The following DIP2A variants were observed in gnomAD, a reference collection of about 807,000 sequenced individuals.
DIP2A encodes disco-interacting protein 2 homolog A.
Under a neutral mutation model 177.4 loss-of-function variants are expected in DIP2A, and 85 were observed. The observed-to-expected ratio is 0.48, with a 90% CI of 0.40 to 0.57. The LOEUF is 0.57. DIP2A is among the 20% of genes least tolerant of loss of function. The probability of loss-of-function intolerance (pLI) is 0.00; values close to 1 mark genes in which losing one functional copy is unlikely to be tolerated. For synonymous variants in DIP2A, 886 were observed against 881.8 expected, an observed-to-expected ratio of 1.00 and a Z score of -0.08; for missense variants, 1,791 against 2,100.2, an observed-to-expected ratio of 0.85 and a Z score of 2.88.
At chr21:46,526,459 A>C (rs989302615) in intron 8 of DIP2A, among the ~76,000 whole-genome samples, 1 of 150,012 alleles carries the variant, frequency 6.7e-6, no homozygotes, top group Non-Finnish European at 1.5e-5. Context: ...CAGTGGCACG[A>C]TCTTGGCTCA....
chr21:46,473,496 T>G (rs902156165), intron 1 of DIP2A, among the ~76,000 whole-genome samples: 1 of 151,492 alleles, frequency 6.6e-6, no homozygotes, highest in African/African-American at 2.4e-5. Context: ...GTGGTTTTTC[T>G]TGGGTGCTTT....
chr21:46,477,930 G>A (rs940157112), intron 1 of DIP2A, among the ~76,000 whole-genome samples: 4 of 152,020 alleles, frequency 2.6e-5, no homozygotes, highest in African/African-American at 9.7e-5. Context: ...AATTTCATGC[G>A]TGGTGTGAGG....
intron 18 of DIP2A, among the ~76,000 whole-genome samples, chr21:46,542,147 C>T (rs1038146119): frequency 1.3e-5 from 2 of 152,140 alleles, no homozygotes; most frequent in South Asian, 2.1e-4. Context: ...GAATGTTTTT[C>T]AGTGTAAATT....
rs58546395 is a variant in DIP2A, at chr21:46,464,844, T to TTTTTTTTTTTTTTCC, written c.91+5622_91+5623insTTTTTTTTTTTTTCC. On this transcript the variant is annotated intron_variant, in intron 1 of 37. Transcript: ENST00000417564. The stretch of plus-strand genomic sequence containing the variant: ...TTTTTTTTTTTTTTTTTTTTTTTTT[T>TTTTTTTTTTTTTTCC]CAAGAAAACACACAACAAATGTCAG... 6.4e-4 allele frequency among the ~76,000 whole-genome samples: 71 copies of TTTTTTTTTTTTTTCC among 111,216 alleles called. 7 individuals carry two copies. Among genetic ancestry groups the TTTTTTTTTTTTTTCC allele is most frequent in the African/African-American group, 2.3e-3 (56 of 23,984 alleles). 73.0% of individuals were successfully genotyped at this position (111,216 alleles called of 152,430 possible). A position where few individuals can be genotyped will look rare whatever the true frequency, so the allele number is the denominator to read the frequency against.
intron 20 of DIP2A, 176 bp downstream of exon 20, chr21:46,546,137 C>T (rs1476638460): frequency 1.4e-6 from 2 of 1,455,248 alleles, no homozygotes; most frequent in South Asian, 1.4e-5. Context: ...GCCATCCACA[C>T]CTCCGAGACT....
At chr21:46,493,569 C>T (rs1482958946) in intron 3 of DIP2A, among the ~76,000 whole-genome samples, 1 of 151,930 alleles carries the variant, frequency 6.6e-6, no homozygotes, top group African/African-American at 2.4e-5. Context: ...CACTTTTTGT[C>T]TTCAAAACTA....
At chr21:46,538,992 A>G (rs1378142982) in intron 16 of DIP2A, 1 of 170,582 alleles carries the variant, frequency 5.9e-6, no homozygotes, top group East Asian at 2.0e-4. Context: ...CCAGGACCCA[A>G]CCATTCTCCC....
In DIP2A at chr21:46,547,032, T is replaced by C. The variant is rs1162014120; in HGVS notation, c.2512T>C (p.Tyr838His). Reference sequence around the variant, plus strand: ...GGCCGTGGAGCCCATGAAGTTTGTCTACAGAGGCAGGTGATGCGCTGCGGA... The same window carrying C: ...GGCCGTGGAGCCCATGAAGTTTGTCCACAGAGGCAGGTGATGCGCTGCGGA... The part of the protein sequence containing the change: ...ALAVEPMKFV[Y>H]RGRIAVFSVT... The change falls in exon 21 of 38, where the codon TAC (tyrosine) becomes CAC (histidine). Residue 838 changes from tyrosine to histidine, a missense_variant. Coordinates refer to ENST00000417564, the MANE Select transcript of DIP2A (RefSeq NM_015151.4). 1.9e-6 allele frequency: 3 copies of C among 1,613,870 alleles called. No individual in the cohort carries two copies. The highest frequency in any genetic ancestry group is 2.5e-6 in the Non-Finnish European group (3 of 1,179,812).
At chr21:46,481,608 T>C (rs1449959781) in intron 1 of DIP2A, among the ~76,000 whole-genome samples, 1 of 152,272 alleles carries the variant, frequency 6.6e-6, no homozygotes, top group Non-Finnish European at 1.5e-5. Flanking sequence ...TCACAGTCTT[T>C]GTCAGCACTT....
intron 2 of DIP2A, 30 bp from the exon 3 acceptor site, chr21:46,490,570 A>T: frequency 6.5e-7 from 1 of 1,539,666 alleles, no homozygotes; most frequent in African/African-American, 1.4e-5. Flanking sequence ...AATTGTTCAC[A>T]TAAGGTATTC....
intron 16 of DIP2A, 130 bp downstream of exon 16, chr21:46,538,732 G>A (rs762459232): frequency 1.4e-5 from 18 of 1,325,140 alleles, no homozygotes; most frequent in South Asian, 7.5e-5. Flanking sequence ...ATGTCCCATC[G>A]TTTCTATGAC....
chr21:46,495,233 TCTTCTC>T (rs745963987), intron 3 of DIP2A, among the ~76,000 whole-genome samples: 1 of 73,444 alleles, frequency 1.4e-5, no homozygotes, highest in Non-Finnish European at 2.4e-5. Flanking sequence ...TCTTCTCTTC[TCTTCTC>T]TTCTTTCTCT....
chr21:46,577,205 C>G, the DIP2A span, among the ~76,000 whole-genome samples: 3 of 152,068 alleles, frequency 2.0e-5, no homozygotes, highest in Non-Finnish European at 2.9e-5. Context: ...AATCTCTGTC[C>G]GTGCCTATGT....
the DIP2A span, among the ~76,000 whole-genome samples, chr21:46,583,371 T>C: frequency 2.0e-5 from 3 of 151,972 alleles, no homozygotes; most frequent in African/African-American, 7.2e-5. Flanking sequence ...AACAAACATC[T>C]ATAAAACACT....
chr21:46,545,550 G>C (rs147522868), intron 19 of DIP2A, among the ~76,000 whole-genome samples: 1 of 152,198 alleles, frequency 6.6e-6, no homozygotes, highest in African/African-American at 2.4e-5. Flanking sequence ...GTGCGGCCTG[G>C]TGGCCAATAG....
At chr21:46,507,560 G>T (rs1189582290) in intron 6 of DIP2A, among the ~76,000 whole-genome samples, 1 of 151,832 alleles carries the variant, frequency 6.6e-6, no homozygotes, top group Non-Finnish European at 1.5e-5. Context: ...TCTGGGCTCT[G>T]TGTGTTGTTC....
chr21:46,552,465 T>C (rs966256025), intron 25 of DIP2A, among the ~76,000 whole-genome samples: 6 of 152,200 alleles, frequency 3.9e-5, no homozygotes, highest in Non-Finnish European at 8.8e-5. Flanking sequence ...ATTCAGGTTG[T>C]GGGCAGGAAT....
At chr21:46,521,912 C>A (rs1201504343) in intron 8 of DIP2A, among the ~76,000 whole-genome samples, 1 of 151,274 alleles carries the variant, frequency 6.6e-6, no homozygotes, top group African/African-American at 2.4e-5. Context: ...TGACTTCTTA[C>A]AATCTTTTTA....
Position 46,537,630 on chromosome 21 carries a change from T to C in DIP2A, c.1801+91T>C. The C allele has an allele frequency of 1.6e-6, 2 of 1,263,086 alleles. No individual in the cohort carries two copies. Among genetic ancestry groups the C allele is most frequent in the South Asian group, 2.6e-5 (2 of 76,858 alleles). The allele number at this position is 1,263,086 out of a possible 1,614,324, so 78.2% of individuals were successfully genotyped here. A position where few individuals can be genotyped will look rare whatever the true frequency, so the allele number is the denominator to read the frequency against. ...TGCTTAAGAAAAAATAAAGCTGACA[T>C]GTGGAACTGCAGATGTAGGCTGAAG... On this transcript the variant is annotated intron_variant, in intron 15 of 37. Transcript: ENST00000417564. The surrounding 1 kb of genome is among the most constrained non-coding windows in gnomAD (Gnocchi z 4.1).
Sources: gnomAD v4.1 joint callset for allele counts (sites outside exome capture counted in the v4.1 genomes callset) on GRCh38, gnomAD v4.1.1 for gene constraint, Gnocchi (gnomAD v3.1) non-coding constraint, MANE v1.5 for transcripts, NCBI Gene and HGNC (gene_info 2026-07-23, HGNC 2026-07-21) for gene names.